BCAR1: variants seen among roughly 807,000 people sequenced by gnomAD.
BCAR1 encodes breast cancer anti-estrogen resistance protein 1.
A neutral mutation model predicts 67.6 loss-of-function variants in BCAR1; 30 were observed. The ratio of observed to expected loss-of-function variants is 0.44; its 90% CI spans 0.33 to 0.60. The LOEUF is 0.60. Ranked by LOEUF, BCAR1 falls within the 20% of genes least tolerant of loss-of-function variation. The pLI, the probability that BCAR1 is intolerant of heterozygous loss-of-function variation, is 0.02. For synonymous variants in BCAR1, 626 were observed against 556.7 expected, an observed-to-expected ratio of 1.12 and a Z score of -1.75; for missense variants, 1,313 against 1,222.3, an observed-to-expected ratio of 1.07 and a Z score of -1.11.
At chr16:75,263,367 G>C (rs538096279) in intron 1 of BCAR1, 1 of 985,334 alleles carries the variant, frequency 1.0e-6, no homozygotes, top group African/African-American at 1.7e-5. Flanking sequence ...CTCAGCTGCA[G>C]GAAGAGTCAG....
intron 1 of BCAR1, chr16:75,264,321 C>T (rs2077961277): frequency 6.9e-7 from 1 of 1,459,492 alleles, no homozygotes; most frequent in African/African-American, 1.4e-5. Flanking sequence ...GCCAGAGTGA[C>T]ATTCCCTAAT....
chr16:75,240,762 T>G (rs113975127), intron 2 of BCAR1, among the ~76,000 whole-genome samples: 3,783 of 152,320 alleles, frequency 0.025, 70 homozygotes, highest in South Asian at 0.048. Context: ...CTCTCCTTCC[T>G]GGGCCATCAG....
chr16:75,251,481 ATGG>A lies in BCAR1; in HGVS notation c.-2_1del. On this transcript the variant is annotated start_lost and start_retained_variant and 5_prime_UTR_variant, in exon 1 of 7. Transcript: ENST00000162330. ...ACCTGGCGCCCTCACCAGGTGGTTC[ATGG>A]TGTCCGGCGGGCCTGGGGCCCCGGC... 7.1e-7 allele frequency: 1 copy of A among 1,413,694 alleles called. No homozygotes were observed. Among genetic ancestry groups the A allele is most frequent in the South Asian group, 1.5e-5 (1 of 68,688 alleles). The allele number at this position is 1,413,694 out of a possible 1,614,324, so 87.6% of individuals were successfully genotyped here. A position where few individuals can be genotyped will look rare whatever the true frequency, so the allele number is the denominator to read the frequency against.
At chr16:75,244,913 A>C (rs2077468272) in intron 1 of BCAR1, among the ~76,000 whole-genome samples, 1 of 152,252 alleles carries the variant, frequency 6.6e-6, no homozygotes, top group South Asian at 2.1e-4. Context: ...GGTCAGGAAG[A>C]CACCAGAGAT....
At chr16:75,243,378 TA>T in intron 1 of BCAR1, 1 of 620,328 alleles carries the variant, frequency 1.6e-6, no homozygotes, top group Non-Finnish European at 3.0e-6. Flanking sequence ...AAGATATCCC[TA>T]AAAGCCCCAC....
intron 6 of BCAR1, among the ~76,000 whole-genome samples, chr16:75,231,795 A>C (rs1029867331): frequency 6.6e-6 from 1 of 152,260 alleles, no homozygotes. Flanking sequence ...GAGGACGGAC[A>C]AAGTACACGA....
chr16:75,265,780 G>A, intron 1 of BCAR1: 1 of 1,197,180 alleles, frequency 8.4e-7, no homozygotes, highest in Non-Finnish European at 1.0e-6. Context: ...GTCGCAGCCG[G>A]GCGGGGGACA....
rs2077051660 is a variant in BCAR1 at position 75,235,026 on chromosome 16, G to A, written c.1873C>T (p.Pro625Ser). The change falls in exon 5 of 7, where the codon CCC (proline) becomes TCC (serine). Residue 625 changes from proline to serine, a missense_variant. Pro to Ser is a moderately conservative substitution (Grantham distance 74). This residue lies in a region of BCAR1 where 1,272 missense variants were observed against 1,137.5 expected (regional missense o/e 1.12). Transcript: ENST00000162330. ...TGGATGCTGCTGGTCTTGTCAGTGG[G>A]GTTGGGGTGCAGGGTGCCACCCCCC... ...PEGGGTLHPN[P>S]TDKTSSIQSR... The A allele has an allele frequency of 2.5e-6, 4 of 1,613,242 alleles. No homozygotes were observed. Among genetic ancestry groups the A allele is most frequent in the Admixed American group, 1.7e-5 (1 of 60,004 alleles).
chr16:75,234,164 G>GACACAC (rs60447098), intron 5 of BCAR1, among the ~76,000 whole-genome samples: 1,553 of 94,922 alleles, frequency 0.016, 35 homozygotes, highest in African/African-American at 0.044. Flanking sequence ...CAGGCAGACA[G>GACACAC]ACACACACAC....
At chr16:75,238,145 A>G (rs2151422676) in intron 2 of BCAR1, 1 of 1,284,310 alleles carries the variant, frequency 7.8e-7, no homozygotes, top group South Asian at 1.2e-5. Context: ...AGAGGCAGGC[A>G]GCACAATGGC....
At chr16:75,251,790 G>A (rs909871849), upstream of BCAR1, 28 of 414,966 alleles carry the variant, frequency 6.7e-5, no homozygotes, top group Admixed American at 1.5e-4. Flanking sequence ...CCCCCGCCCC[G>A]CCCCCCACCT....
At chr16:75,248,465 G>A (rs542463642) in intron 1 of BCAR1, 20 of 701,820 alleles carry the variant, frequency 2.8e-5, no homozygotes, top group Middle Eastern at 6.1e-4. Context: ...ATCCGCACCC[G>A]GGACCCACCT....
intron 1 of BCAR1, chr16:75,250,215 C>G (rs2077635535): frequency 1.3e-5 from 2 of 152,562 alleles, no homozygotes; most frequent in South Asian, 4.1e-4. Context: ...TGCCTCCACC[C>G]AGCTCCCGGG....
At position 75,229,511 on chromosome 16, in the gene BCAR1, T is replaced by A. The variant is rs376395285; in HGVS notation, c.2613A>T (p.Ter871CysextTer3). The A allele has an allele frequency of 1.5e-5, 23 of 1,562,774 alleles. No homozygotes were observed. The highest frequency in any genetic ancestry group is 1.2e-5 in the South Asian group (1 of 85,476). ...TGCCTCCCTCCTGGGGTCACCACCC[T>A]CAGGCGGCTGCCAGCTGGCCTAGGA... Reference protein sequence around the residue: ...RRVLGQLAAA* With the variant: ...RRVLGQLAAAC The change falls in exon 7 of 7, where the codon TGA (stop) becomes TGT (cysteine). Residue 871 changes from the stop codon to cysteine (C), a stop_lost. Transcript: ENST00000162330.
In BCAR1 at chr16:75,263,015, C is replaced by A. The variant is rs536391719; in HGVS notation, c.66+4900G>T. Reference sequence around the variant, plus strand: ...GGATCCTGCCATATCTGGCTCCCACCCTGGCTCCACCTCTCACTGGCCAGG... The same window carrying A: ...GGATCCTGCCATATCTGGCTCCCACACTGGCTCCACCTCTCACTGGCCAGG... On this transcript the variant is annotated intron_variant, in intron 1 of 6. Coordinates refer to the BCAR1 transcript ENST00000393422. Among the ~76,000 whole-genome samples, 3 of 152,358 alleles carry A rather than the reference C, an allele frequency of 2.0e-5. No homozygotes were observed. In the East Asian group the frequency reaches 5.8e-4, roughly 29 times the overall value.
At chr16:75,234,832 A>G in intron 5 of BCAR1, 57 bp downstream of exon 5, 1 of 1,509,836 alleles carries the variant, frequency 6.6e-7, no homozygotes, top group Non-Finnish European at 8.8e-7. Context: ...ATCTCCCCCT[A>G]AGCACAGGAG....
chr16:75,252,289 T>A (rs376777073), upstream of BCAR1: 119 of 1,536,590 alleles, frequency 7.7e-5, no homozygotes, highest in Non-Finnish European at 9.9e-5. Flanking sequence ...CCAGCTGATC[T>A]GCCTCCTCTC....
At chr16:75,255,502 C>G (rs576025068), upstream of BCAR1, among the ~76,000 whole-genome samples, 9 of 152,324 alleles carry the variant, frequency 5.9e-5, no homozygotes, top group Admixed American at 3.9e-4. Flanking sequence ...TCGAGACTAG[C>G]CTGTCCAACA....
intron 1 of BCAR1, among the ~76,000 whole-genome samples, chr16:75,251,187 C>T (rs1193199959): frequency 6.6e-6 from 1 of 151,968 alleles, no homozygotes; most frequent in Non-Finnish European, 1.5e-5. Context: ...GGCCGGGGAG[C>T]GCGGGCCCCG....
Sources: allele counts gnomAD v4.1 joint callset (sites outside exome capture counted in the v4.1 genomes callset), GRCh38; gene constraint gnomAD v4.1.1; regional missense constraint gnomAD v4.1.1; transcripts MANE v1.5; gene names NCBI Gene and HGNC (gene_info 2026-07-23, HGNC 2026-07-21).